DDX21: variants seen among roughly 807,000 people sequenced by gnomAD.
The protein encoded by DDX21 is nucleolar RNA helicase 2.
In DDX21, 18 loss-of-function variants were observed where a neutral mutation model predicts 90.0. That is an observed-to-expected ratio of 0.20 (90% confidence interval 0.14 to 0.30). The LOEUF (loss-of-function observed/expected upper bound fraction) is 0.30, where lower values mean the gene tolerates loss of function less well. Ranked by LOEUF, DDX21 falls within the 10% of genes least tolerant of loss-of-function variation. DDX21 has a pLI of 1.00. For synonymous variants in DDX21, 294 were observed against 318.0 expected (o/e 0.92, Z 0.80); for missense variants, 673 against 944.5 (o/e 0.71, Z 3.77).
intron 3 of DDX21, among the ~76,000 whole-genome samples, chr10:68,962,372 G>C (rs943676067): frequency 2.0e-5 from 3 of 152,188 alleles, no homozygotes; most frequent in Admixed American, 2.0e-4. Flanking sequence ...CAGGCCCTCT[G>C]TGGTGGCTCA....
chr10:68,970,709 A>G (rs925469053), intron 8 of DDX21, among the ~76,000 whole-genome samples: 6 of 151,770 alleles, frequency 4.0e-5, no homozygotes, highest in Non-Finnish European at 5.9e-5. Context: ...CTGGACTGCA[A>G]TGGTGTGATC....
At chr10:68,981,419 G>A in intron 13 of DDX21, 118 bp from the exon 14 acceptor site, 3 of 864,132 alleles carry the variant, frequency 3.5e-6, no homozygotes, top group Non-Finnish European at 5.6e-6. Flanking sequence ...AATTATACCT[G>A]GTGGTTTTTT....
At chr10:68,962,822 A>G (rs1842890225) in intron 3 of DDX21, among the ~76,000 whole-genome samples, 1 of 152,236 alleles carries the variant, frequency 6.6e-6, no homozygotes, top group Non-Finnish European at 1.5e-5. Flanking sequence ...CAGTTACTCA[A>G]GTAGGTGCTT....
intron 13 of DDX21, among the ~76,000 whole-genome samples, chr10:68,980,361 A>G (rs1843168544): frequency 2.0e-5 from 3 of 152,216 alleles, no homozygotes; most frequent in Non-Finnish European, 4.4e-5. Context: ...CAGAGTCTTT[A>G]GGACACATGT....
chr10:68,983,480 CAT>C lies in DDX21; in HGVS notation c.*670_*671del, dbSNP rs1199883007. The C allele has an allele frequency of 3.9e-5, 6 of 152,068 alleles. No individual in the cohort carries two copies. Among genetic ancestry groups the C allele is most frequent in the African/African-American group, 1.2e-4 (5 of 41,374 alleles). The allele number at this position is 152,068 out of a possible 1,614,324, so 9.4% of individuals were successfully genotyped here. Reference sequence around the variant, plus strand: ...GTGATTCATGCTTTAGTGAATTCTTCATAGATAGTATATATAAAAGTACATTT... The same window carrying C: ...GTGATTCATGCTTTAGTGAATTCTTCAGATAGTATATATAAAAGTACATTT... On this transcript the variant is annotated 3_prime_UTR_variant, in exon 15 of 15. Coordinates refer to ENST00000354185, the MANE Select transcript of DDX21 (RefSeq NM_004728.4).
chr10:68,982,220 G>A (rs578012564), intron 14 of DDX21, among the ~76,000 whole-genome samples: 4 of 152,316 alleles, frequency 2.6e-5, no homozygotes, highest in Non-Finnish European at 4.4e-5. Context: ...AATACTGTGA[G>A]AAATGTGTGC....
Position 68,982,799 on chromosome 10 carries a change from C to G in DDX21, c.2339C>G (p.Ala780Gly), listed in dbSNP as rs1297462089. 1.2e-6 allele frequency: 2 copies of G among 1,613,870 alleles called. No individual in the cohort carries two copies. The highest frequency in any genetic ancestry group is 1.3e-5 in the African/African-American group (1 of 74,872). Residue 780 changes from alanine to glycine, a missense_variant, in exon 15 of 15, where the codon GCA (alanine) becomes GGA (glycine). Ala to Gly is a moderately conservative substitution (Grantham distance 60). Transcript: ENST00000354185. ...NKGQKRSFSK[A>G]FGQ is the part of the protein sequence containing the mutation. ...GGCCAGAAGCGGAGTTTCAGTAAAG[C>G]ATTTGGTCAATAATTAGAAATAGAA... is the stretch of plus-strand genomic sequence containing the variant.
At chr10:68,970,869 T>A (rs910652835) in intron 8 of DDX21, among the ~76,000 whole-genome samples, 2 of 151,736 alleles carry the variant, frequency 1.3e-5, no homozygotes, top group African/African-American at 4.8e-5. Context: ...GCCGGGTTGG[T>A]CTCGAACTCC....
chr10:68,980,790 C>T (rs948223684), intron 13 of DDX21, among the ~76,000 whole-genome samples: 1 of 139,170 alleles, frequency 7.2e-6, no homozygotes, highest in African/African-American at 2.7e-5. Flanking sequence ...GAAGATAATT[C>T]TTGAGACCAG....
intron 5 of DDX21, 147 bp from the exon 6 acceptor site, chr10:68,966,871 A>T (rs780492391): frequency 3.7e-6 from 2 of 539,822 alleles, no homozygotes; most frequent in Non-Finnish European, 6.0e-6. Context: ...TGCCATGAGT[A>T]TCTTTATCAT....
At chr10:68,971,330 T>G (rs1843025732) in intron 8 of DDX21, among the ~76,000 whole-genome samples, 1 of 152,102 alleles carries the variant, frequency 6.6e-6, no homozygotes, top group South Asian at 2.1e-4. Context: ...GATCATCCCA[T>G]AACCTAGGTA....
chr10:68,977,233 G>A (rs1215805825), intron 11 of DDX21, among the ~76,000 whole-genome samples: 1 of 152,172 alleles, frequency 6.6e-6, no homozygotes, highest in East Asian at 1.9e-4. Flanking sequence ...CAGCCCAAAT[G>A]ATGCACATTT....
intron 2 of DDX21, 109 bp from the exon 3 acceptor site, chr10:68,961,973 G>T (rs1329545759): frequency 3.6e-6 from 3 of 823,940 alleles, no homozygotes; most frequent in Non-Finnish European, 5.8e-6. Context: ...AAAGTGATGT[G>T]TTTAGAAGAA....
chr10:68,971,099 T>C (rs1843021182), intron 8 of DDX21, among the ~76,000 whole-genome samples: 1 of 150,762 alleles, frequency 6.6e-6, no homozygotes, highest in South Asian at 2.1e-4. Context: ...GCTTTTTTTT[T>C]CTGGATGGTG....
intron 13 of DDX21, among the ~76,000 whole-genome samples, chr10:68,979,970 G>A (rs981219140): frequency 2.0e-5 from 3 of 152,124 alleles, no homozygotes; most frequent in Non-Finnish European, 2.9e-5. Context: ...GCTGGGCCCC[G>A]TGGCTCATGC....
chr10:68,965,846 G>T (rs1256451040), intron 5 of DDX21, among the ~76,000 whole-genome samples: 1 of 152,016 alleles, frequency 6.6e-6, no homozygotes, highest in African/African-American at 2.4e-5. Flanking sequence ...CTGCATGGTT[G>T]CTTCTTTCTT....
rs56314802 is a variant in DDX21 at position 68,970,955 on chromosome 10, A to ATTTTT, written c.1386+629_1386+633dup. The stretch of plus-strand genomic sequence containing the variant: ...GGCATGAGCCACTGCGCCCAGCCTA[A>ATTTTT]TTTTTTTTTTTTTTTTTTTTTTTTT... On this transcript the variant is annotated intron_variant, in intron 8 of 14. Coordinates refer to ENST00000354185, the MANE Select transcript of DDX21 (RefSeq NM_004728.4). Among the ~76,000 whole-genome samples the ATTTTT allele has an allele frequency of 7.0e-3, 507 of 72,540 alleles. 66 individuals are homozygous for ATTTTT. Among genetic ancestry groups the ATTTTT allele is most frequent in the African/African-American group, 0.015 (302 of 20,146 alleles). The allele number at this position is 72,540 out of a possible 152,430, so 47.6% of individuals were successfully genotyped here.
At chr10:68,961,666 T>A (rs1044011489) in intron 2 of DDX21, among the ~76,000 whole-genome samples, 1 of 152,216 alleles carries the variant, frequency 6.6e-6, no homozygotes, top group Non-Finnish European at 1.5e-5. Context: ...CCACAGTGAC[T>A]GCTACCTCAT....
chr10:68,961,479 C>T (rs557094266), intron 2 of DDX21, among the ~76,000 whole-genome samples: 1 of 152,234 alleles, frequency 6.6e-6, no homozygotes, highest in South Asian at 2.1e-4. Context: ...TTAGTATATG[C>T]ATCTATTATT....
Sources: allele counts gnomAD v4.1 joint callset (sites outside exome capture counted in the v4.1 genomes callset), GRCh38; gene constraint gnomAD v4.1.1; transcripts MANE v1.5; gene names NCBI Gene and HGNC (gene_info 2026-07-23, HGNC 2026-07-21).